ZCCHC7: variants seen among roughly 807,000 people sequenced by gnomAD.
ZCCHC7 encodes zinc finger CCHC domain-containing protein 7.
A neutral mutation model predicts 52.0 loss-of-function variants in ZCCHC7; 35 were observed. The ratio of observed to expected loss-of-function variants is 0.67; its 90% CI spans 0.51 to 0.89. ZCCHC7 has a LOEUF of 0.89. Ranked by LOEUF, ZCCHC7 falls within the 40% of genes least tolerant of loss-of-function variation. The pLI, the probability that ZCCHC7 is intolerant of heterozygous loss-of-function variation, is 0.00. For missense variants in ZCCHC7, 574 were observed against 649.1 expected (o/e 0.88, Z 1.26); for synonymous variants, 217 against 221.5 (o/e 0.98, Z 0.18).
chr9:37,295,566 T>G (rs1165948637), intron 2 of ZCCHC7, among the ~76,000 whole-genome samples: 1 of 152,278 alleles, frequency 6.6e-6, no homozygotes, highest in Non-Finnish European at 1.5e-5. Flanking sequence ...AATCGTGGCA[T>G]TGAGGCTATT....
In ZCCHC7 at chr9:37,200,238, C is replaced by T. The variant is rs370175359; in HGVS notation, c.610+73296C>T. Among the ~76,000 whole-genome samples, 27 of 151,798 alleles carry T rather than the reference C, an allele frequency of 1.8e-4. 1 individual carries two copies. In the East Asian group the frequency reaches 5.2e-3, roughly 29 times the overall value. Reference sequence around the variant, plus strand: ...TTCCTTTTTTTATTATCTTTCAACTCTCCTCCTTTTTTCACTCTTCACTGT... The same window carrying T: ...TTCCTTTTTTTATTATCTTTCAACTTTCCTCCTTTTTTCACTCTTCACTGT... On this transcript the variant is annotated intron_variant, in intron 2 of 8. Coordinates refer to ENST00000336755, the MANE Select transcript of ZCCHC7 (RefSeq NM_032226.3).
intron 6 of ZCCHC7, among the ~76,000 whole-genome samples, chr9:37,346,108 T>G (rs1414765781): frequency 6.6e-6 from 1 of 152,168 alleles, no homozygotes; most frequent in Non-Finnish European, 1.5e-5. Context: ...GTTCAAGTGA[T>G]TCTCCTGCCT....
chr9:37,308,961 C>T (rs1396283859), intron 5 of ZCCHC7, among the ~76,000 whole-genome samples: 1 of 130,632 alleles, frequency 7.7e-6, no homozygotes, highest in Non-Finnish European at 1.6e-5. Flanking sequence ...AGCCTGGCAA[C>T]AGAGTGAAAG....
intron 2 of ZCCHC7, among the ~76,000 whole-genome samples, chr9:37,141,230 A>G (rs553620326): frequency 6.6e-6 from 1 of 151,820 alleles, no homozygotes; most frequent in African/African-American, 2.4e-5. Context: ...ACATGGTCAT[A>G]TATTCTTGGT....
At chr9:37,299,119 C>T (rs564786615) in intron 2 of ZCCHC7, among the ~76,000 whole-genome samples, 6 of 152,252 alleles carry the variant, frequency 3.9e-5, no homozygotes, top group Admixed American at 2.6e-4. Context: ...CCTATAAAAG[C>T]AGCTATGGGT....
At chr9:37,141,579 G>C (rs1328131795) in intron 2 of ZCCHC7, among the ~76,000 whole-genome samples, 3 of 151,726 alleles carry the variant, frequency 2.0e-5, no homozygotes, top group Non-Finnish European at 4.4e-5. Flanking sequence ...TTTACTGTTG[G>C]AATAAAAATG....
intron 2 of ZCCHC7, among the ~76,000 whole-genome samples, chr9:37,144,312 A>G (rs1050420398): frequency 5.0e-4 from 76 of 152,062 alleles, no homozygotes; most frequent in African/African-American, 1.8e-3. Context: ...GTGAATGCTA[A>G]TATCTTCTTT....
chr9:37,258,224 C>T (rs905942380), intron 2 of ZCCHC7, among the ~76,000 whole-genome samples: 1 of 152,096 alleles, frequency 6.6e-6, no homozygotes, highest in African/African-American at 2.4e-5. Flanking sequence ...TAAAATAGGA[C>T]CATTTTTACA....
chr9:37,315,575 G>A (rs922894846), intron 5 of ZCCHC7, among the ~76,000 whole-genome samples: 7 of 151,800 alleles, frequency 4.6e-5, no homozygotes, highest in Non-Finnish European at 7.4e-5. Flanking sequence ...GATATTACCA[G>A]AAAAATATAC....
Position 37,357,656 on chromosome 9 carries a change from C to A in ZCCHC7, c.*388C>A, listed in dbSNP as rs1588720046. ...AGAGAAATTAACACTAAGAAAAAGT[C>A]ATCAATATTTTTCAACTTTTTTTTT... is the stretch of plus-strand genomic sequence containing the variant. On this transcript the variant is annotated 3_prime_UTR_variant, in exon 9 of 9. Coordinates refer to ENST00000336755, the MANE Select transcript of ZCCHC7 (RefSeq NM_032226.3). The A allele has an allele frequency of 6.7e-6, 1 of 149,840 alleles. No homozygotes were observed. The highest frequency in any genetic ancestry group is 1.5e-5 in the Non-Finnish European group (1 of 68,072). 9.3% of individuals were successfully genotyped at this position (149,840 alleles called of 1,614,324 possible).
chr9:37,236,023 C>T (rs1825635258), intron 2 of ZCCHC7, among the ~76,000 whole-genome samples: 1 of 152,086 alleles, frequency 6.6e-6, no homozygotes, highest in African/African-American at 2.4e-5. Context: ...ATAAACAGTG[C>T]AGATATCTCT....
Position 37,354,289 on chromosome 9 carries a change from A to G in ZCCHC7, c.1084-421A>G, listed in dbSNP as rs1285990202. Among the ~76,000 whole-genome samples the G allele has an allele frequency of 6.6e-6, 1 of 152,194 alleles. No homozygotes were observed. The highest frequency in any genetic ancestry group is 1.5e-5 in the Non-Finnish European group (1 of 68,048). ...ATCAAAGGGCTTAGAACTTATACCC[A>G]CATTTTGGGGATAGGAAGAAGAGAT... On this transcript the variant is annotated intron_variant, in intron 7 of 8. Coordinates refer to ENST00000336755, the MANE Select transcript of ZCCHC7 (RefSeq NM_032226.3). This position sits in a 1 kb window ranked among gnomAD's most constrained non-coding sequence, Gnocchi z 4.0.
intron 5 of ZCCHC7, among the ~76,000 whole-genome samples, chr9:37,309,553 AT>A (rs1336780215): frequency 6.6e-6 from 1 of 152,080 alleles, no homozygotes; most frequent in African/African-American, 2.4e-5. Context: ...ATTCTTTGTC[AT>A]TTTCATCTTC....
chr9:37,182,350 C>CT (rs1251596473), intron 2 of ZCCHC7, among the ~76,000 whole-genome samples: 3 of 147,444 alleles, frequency 2.0e-5, no homozygotes, highest in Admixed American at 6.7e-5. Flanking sequence ...ATTTTTTTTT[C>CT]TTTTTTTCTT....
Position 37,354,693 on chromosome 9 carries a change from T to C in ZCCHC7, c.1084-17T>C, listed in dbSNP as rs781648649. On this transcript the variant is annotated splice_polypyrimidine_tract_variant and intron_variant, in intron 7 of 8. Coordinates refer to ENST00000336755, the MANE Select transcript of ZCCHC7 (RefSeq NM_032226.3). This position sits in a 1 kb window ranked among gnomAD's most constrained non-coding sequence, Gnocchi z 4.0. Reference sequence around the variant, plus strand: ...AGTGTGACCATGTGACATCATAATTTTACATACAATTTATAGGAATGTCCA... The same window carrying C: ...AGTGTGACCATGTGACATCATAATTCTACATACAATTTATAGGAATGTCCA... The C allele has an allele frequency of 8.9e-6, 14 of 1,570,468 alleles. No individual in the cohort carries two copies. Among genetic ancestry groups the C allele is most frequent in the African/African-American group, 4.1e-5 (3 of 73,672 alleles).
At chr9:37,286,315 T>G (rs1828204754) in intron 2 of ZCCHC7, among the ~76,000 whole-genome samples, 1 of 152,208 alleles carries the variant, frequency 6.6e-6, no homozygotes, top group South Asian at 2.1e-4. Context: ...CCTGTTCTCA[T>G]CTGTGAAATA....
intron 2 of ZCCHC7, among the ~76,000 whole-genome samples, chr9:37,130,979 C>T (rs1842755466): frequency 1.3e-5 from 2 of 152,088 alleles, no homozygotes. Context: ...TTGAGTACAG[C>T]ACTACCTCTT....
chr9:37,147,142 A>G (rs1843468960), intron 2 of ZCCHC7, among the ~76,000 whole-genome samples: 1 of 151,948 alleles, frequency 6.6e-6, no homozygotes, highest in Non-Finnish European at 1.5e-5. Context: ...TATATATATC[A>G]ATTTAATAAA....
chr9:37,257,183 G>C (rs1158636863), intron 2 of ZCCHC7, among the ~76,000 whole-genome samples: 1 of 152,150 alleles, frequency 6.6e-6, no homozygotes, highest in Non-Finnish European at 1.5e-5. Flanking sequence ...GCGGGTAGAG[G>C]CTAGTTGGTG....
Sources: allele counts gnomAD v4.1 joint callset (sites outside exome capture counted in the v4.1 genomes callset), GRCh38; gene constraint gnomAD v4.1.1; non-coding constraint Gnocchi (gnomAD v3.1); transcripts MANE v1.5; gene names NCBI Gene and HGNC (gene_info 2026-07-23, HGNC 2026-07-21).